SPECC1L: variants seen among roughly 807,000 people sequenced by gnomAD.
SPECC1L encodes the protein sperm antigen with calponin homology and coiled-coil domains 1 like.
In SPECC1L, 40 loss-of-function variants were observed where a neutral mutation model predicts 116.8. That is an observed-to-expected ratio of 0.34 (90% CI 0.27 to 0.45). SPECC1L has a LOEUF of 0.45. Among genes scored for constraint, SPECC1L ranks in the 20% least tolerant of loss-of-function variants. The pLI, the probability that SPECC1L is intolerant of heterozygous loss-of-function variation, is 1.00. For missense variants in SPECC1L, 1,110 were observed against 1,373.6 expected, an observed-to-expected ratio of 0.81 and a Z score of 3.03; for synonymous variants, 504 against 500.6, an observed-to-expected ratio of 1.01 and a Z score of -0.09.
chr22:24,349,126 C>T (rs2041367336), intron 11 of SPECC1L, among the ~76,000 whole-genome samples: 4 of 152,212 alleles, frequency 2.6e-5, no homozygotes, highest in East Asian at 1.9e-4. Flanking sequence ...CTGCAACTTC[C>T]GCCTCCTGGG....
At chr22:24,347,216 T>C (rs1395056079) in intron 11 of SPECC1L, 40 bp downstream of exon 11, 13 of 1,523,706 alleles carry the variant, frequency 8.5e-6, no homozygotes, top group Admixed American at 5.0e-5. Context: ...TTTTTTTCAA[T>C]TTTTGAATTG....
At chr22:24,297,894 C>G (rs1265891633) in intron 2 of SPECC1L, among the ~76,000 whole-genome samples, 3 of 152,228 alleles carry the variant, frequency 2.0e-5, no homozygotes, top group Admixed American at 2.0e-4. Flanking sequence ...ACCCTTAGTT[C>G]ACTTAATAAT....
intron 14 of SPECC1L, among the ~76,000 whole-genome samples, chr22:24,401,857 A>G (rs1819901462): frequency 6.6e-6 from 1 of 152,168 alleles, no homozygotes; most frequent in Non-Finnish European, 1.5e-5. Context: ...GGGTGGGGCA[A>G]GCGTAGGAAA....
intron 14 of SPECC1L, among the ~76,000 whole-genome samples, chr22:24,407,377 G>A (rs933700190): frequency 6.6e-6 from 1 of 152,190 alleles, no homozygotes; most frequent in African/African-American, 2.4e-5. Context: ...CTTCCCTGGC[G>A]GGGTGTTGGG....
In SPECC1L at chr22:24,406,915, C is replaced by G. The variant is rs550960359; in HGVS notation, c.3088-4673C>G. ...GGAACATTTCAAACCATGCAACAGC[C>G]AGTGACGTTGGGAGCAGAGGGCTGC... On this transcript the variant is annotated intron_variant, in intron 14 of 16. Transcript: ENST00000314328. Among the ~76,000 whole-genome samples the G allele has an allele frequency of 5.9e-5, 9 of 152,304 alleles. No homozygotes were observed. In the East Asian group the frequency reaches 1.5e-3, roughly 26 times the overall value.
At chr22:24,379,466 C>T (rs2042024574) in intron 14 of SPECC1L, among the ~76,000 whole-genome samples, 1 of 152,102 alleles carries the variant, frequency 6.6e-6, no homozygotes, top group African/African-American at 2.4e-5. Context: ...ATAATTCAAA[C>T]ATTAAGTCAG....
intron 14 of SPECC1L, among the ~76,000 whole-genome samples, chr22:24,380,109 G>T (rs1411729429): frequency 6.6e-6 from 1 of 152,166 alleles, no homozygotes; most frequent in South Asian, 2.1e-4. Context: ...GACCTCAAGT[G>T]ACCCACCCTC....
intron 13 of SPECC1L, among the ~76,000 whole-genome samples, chr22:24,367,066 C>T (rs1006988676): frequency 2.0e-5 from 3 of 152,170 alleles, no homozygotes; most frequent in Admixed American, 1.3e-4. Flanking sequence ...TGGTTTTGCG[C>T]ACCTGCAGTC....
intron 15 of SPECC1L, chr22:24,412,342 A>G: frequency 2.1e-6 from 1 of 473,274 alleles, no homozygotes; most frequent in African/African-American, 2.0e-5. Flanking sequence ...AGTGTTCCTA[A>G]CTAGCTTTTG....
At chr22:24,311,591 T>TG (rs1471717052) in intron 3 of SPECC1L, among the ~76,000 whole-genome samples, 1 of 152,058 alleles carries the variant, frequency 6.6e-6, no homozygotes, top group Non-Finnish European at 1.5e-5. Context: ...GATCACTTGA[T>TG]GCCAGGAGTT....
rs1002299108 is a variant in SPECC1L, at chr22:24,414,829, C to T, written c.*206C>T. ...CCACCAGGGCCCCTCCCACATGACC[C>T]GTCCATTCAGGTCATGTGGGCTCAG... On this transcript the variant is annotated 3_prime_UTR_variant, in exon 17 of 17. Transcript: ENST00000314328. The T allele has an allele frequency of 1.2e-5, 7 of 596,848 alleles. No individual in the cohort carries two copies. The highest frequency in any genetic ancestry group is 1.8e-5 in the African/African-American group (1 of 54,156). 37.0% of individuals were successfully genotyped at this position (596,848 alleles called of 1,614,324 possible).
At chr22:24,282,622 T>G (rs762717316) in intron 2 of SPECC1L, among the ~76,000 whole-genome samples, 1 of 152,188 alleles carries the variant, frequency 6.6e-6, no homozygotes, top group African/African-American at 2.4e-5. Flanking sequence ...ATATGCTGTT[T>G]GTCAGGTTTA....
At chr22:24,372,662 A>G (rs905975697) in intron 14 of SPECC1L, among the ~76,000 whole-genome samples, 3 of 151,686 alleles carry the variant, frequency 2.0e-5, no homozygotes, top group Non-Finnish European at 4.4e-5. Flanking sequence ...ACCCACAGCC[A>G]ATATCATACT....
intron 3 of SPECC1L, among the ~76,000 whole-genome samples, chr22:24,305,999 G>A (rs1482896029): frequency 3.3e-5 from 5 of 151,460 alleles, no homozygotes; most frequent in South Asian, 2.1e-4. Context: ...TCCGCCTCCC[G>A]GGTTCAAGCG....
intron 10 of SPECC1L, among the ~76,000 whole-genome samples, chr22:24,342,039 T>A (rs550747919): frequency 3.3e-4 from 50 of 152,358 alleles, no homozygotes; most frequent in African/African-American, 1.1e-3. Context: ...AACTATGAGA[T>A]CATAAATGGA....
Position 24,412,859 on chromosome 22 carries a change from C to T in SPECC1L, c.3264+152C>T, listed in dbSNP as rs1428045505. On this transcript the variant is annotated intron_variant, in intron 16 of 16. Transcript: ENST00000314328. Reference sequence around the variant, plus strand: ...GTGCTCTGGGGCCAAGGGAGGGTCCCGTCAAGGGTGGGTGCAGATGTGGGA... The same window carrying T: ...GTGCTCTGGGGCCAAGGGAGGGTCCTGTCAAGGGTGGGTGCAGATGTGGGA... 10 of 793,108 alleles carry T rather than the reference C, an allele frequency of 1.3e-5. No individual in the cohort carries two copies. The East Asian group carries it at 1.3e-4, about 11-fold the overall frequency. The allele number at this position is 793,108 out of a possible 1,614,324, so 49.1% of individuals were successfully genotyped here.
chr22:24,294,886 T>A (rs1283892571), intron 2 of SPECC1L, among the ~76,000 whole-genome samples: 1 of 152,240 alleles, frequency 6.6e-6, no homozygotes, highest in African/African-American at 2.4e-5. Flanking sequence ...TTTGTCGATG[T>A]TGCACGTAGA....
intron 14 of SPECC1L, among the ~76,000 whole-genome samples, chr22:24,393,201 C>A (rs570511305): frequency 6.6e-6 from 1 of 152,328 alleles, no homozygotes; most frequent in Non-Finnish European, 1.5e-5. Context: ...AAAATTTAAT[C>A]TGCCACAGAG....
At chr22:24,316,502 A>G (rs2040570269) in intron 4 of SPECC1L, among the ~76,000 whole-genome samples, 2 of 151,280 alleles carry the variant, frequency 1.3e-5, no homozygotes, top group Admixed American at 1.3e-4. Flanking sequence ...GCTGCCTTCA[A>G]GCGTCTGTTT....
Sources: gnomAD v4.1 joint callset for allele counts (sites outside exome capture counted in the v4.1 genomes callset) on GRCh38, gnomAD v4.1.1 for gene constraint, MANE v1.5 for transcripts, NCBI Gene and HGNC (gene_info 2026-07-23, HGNC 2026-07-21) for gene names.